Variants in CNTNAP2 observed in about 807,000 individuals in gnomAD.
The protein encoded by CNTNAP2 is contactin associated protein 2, also known as contactin-associated protein-like 2.
Under a neutral mutation model 155.2 loss-of-function variants are expected in CNTNAP2, and 98 were observed. The ratio of observed to expected loss-of-function variants is 0.63; its 90% CI spans 0.54 to 0.75. CNTNAP2 has a LOEUF of 0.75. CNTNAP2 is among the 30% of genes least tolerant of loss of function. The pLI, the probability that CNTNAP2 is intolerant of heterozygous loss-of-function variation, is 0.00. For missense variants in CNTNAP2, 1,727 were observed against 1,688.1 expected (o/e 1.02, Z -0.40); for synonymous variants, 651 against 631.2 (o/e 1.03, Z -0.47).
At chr7:147,085,546 T>G (rs986227420) in intron 4 of CNTNAP2, 15 of 152,200 alleles carry the variant, frequency 9.9e-5, no homozygotes, top group African/African-American at 3.4e-4. Flanking sequence ...GTGGAAAAAT[T>G]GTCTCCCAAA....
intron 1 of CNTNAP2, among the ~76,000 whole-genome samples, chr7:146,387,469 T>C (rs1795477440): frequency 6.6e-6 from 1 of 152,188 alleles, no homozygotes; most frequent in Non-Finnish European, 1.5e-5. Context: ...TCCGGATGGG[T>C]AGACCTTGGA....
At chr7:147,999,860 G>A (rs1801867649) in intron 15 of CNTNAP2, among the ~76,000 whole-genome samples, 1 of 152,192 alleles carries the variant, frequency 6.6e-6, no homozygotes, top group South Asian at 2.1e-4. Flanking sequence ...GAGCCTGGGA[G>A]AGAGGCACGG....
At chr7:146,177,328 G>A (rs1798483666) in intron 1 of CNTNAP2, among the ~76,000 whole-genome samples, 1 of 151,976 alleles carries the variant, frequency 6.6e-6, no homozygotes, top group Non-Finnish European at 1.5e-5. Flanking sequence ...AAAATTTCAG[G>A]CATCAACAAA....
chr7:147,171,546 C>A (rs1177234650), intron 8 of CNTNAP2, among the ~76,000 whole-genome samples: 1 of 152,180 alleles, frequency 6.6e-6, no homozygotes, highest in Non-Finnish European at 1.5e-5. Context: ...CCAAATGGTA[C>A]AGAGGTCAGT....
At chr7:146,914,226 T>G (rs1248496298) in intron 3 of CNTNAP2, among the ~76,000 whole-genome samples, 1 of 152,108 alleles carries the variant, frequency 6.6e-6, no homozygotes, top group African/African-American at 2.4e-5. Flanking sequence ...GCTGGTTCCA[T>G]TTTTAATTGT....
At position 148,415,871 on chromosome 7, in the gene CNTNAP2, A is replaced by C. The variant is rs570832663; in HGVS notation, c.*255A>C. The C allele has an allele frequency of 9.5e-5, 55 of 576,278 alleles. 1 individual carries two copies. The South Asian group carries it at 1.2e-3, about 13-fold the overall frequency. 35.7% of individuals were successfully genotyped at this position (576,278 alleles called of 1,614,324 possible). ...ATACAAAAAATGCTTTTAGAGTTTA[A>C]GCAATGGTTGAAATTTGTAGGTACT... is the stretch of plus-strand genomic sequence containing the variant. On this transcript the variant is annotated 3_prime_UTR_variant, in exon 24 of 24. Transcript: ENST00000361727.
intron 1 of CNTNAP2, among the ~76,000 whole-genome samples, chr7:146,677,146 A>T (rs946865479): frequency 2.0e-5 from 3 of 152,134 alleles, no homozygotes; most frequent in Admixed American, 6.5e-5. Context: ...CAGTCTGAAA[A>T]GGTGAAGTGA....
chr7:148,235,257 C>A (rs916739086), intron 20 of CNTNAP2, among the ~76,000 whole-genome samples: 4 of 152,110 alleles, frequency 2.6e-5, no homozygotes, highest in African/African-American at 7.2e-5. Context: ...TGAACTAGGT[C>A]CTGTATATAA....
intron 5 of CNTNAP2, among the ~76,000 whole-genome samples, chr7:147,119,692 G>A (rs1801062539): frequency 6.6e-6 from 1 of 151,884 alleles, no homozygotes; most frequent in South Asian, 2.1e-4. Context: ...AGGTATGGGG[G>A]CATTAGCATA....
At chr7:148,374,296 C>T (rs1204413687) in intron 21 of CNTNAP2, among the ~76,000 whole-genome samples, 3 of 152,078 alleles carry the variant, frequency 2.0e-5, no homozygotes, top group African/African-American at 4.8e-5. Context: ...AAGTGAACTA[C>T]TTTCTGTTTT....
chr7:146,281,382 G>A (rs577248401), intron 1 of CNTNAP2, among the ~76,000 whole-genome samples: 1 of 152,064 alleles, frequency 6.6e-6, no homozygotes, highest in Non-Finnish European at 1.5e-5. Context: ...GTACTTTCCT[G>A]GCATTTCTGA....
At chr7:146,658,216 A>T (rs545103514) in intron 1 of CNTNAP2, among the ~76,000 whole-genome samples, 1 of 152,138 alleles carries the variant, frequency 6.6e-6, no homozygotes, top group Non-Finnish European at 1.5e-5. Context: ...CATTCTTGCA[A>T]TATCTTGAAT....
chr7:146,303,187 G>T (rs1356540991), intron 1 of CNTNAP2, among the ~76,000 whole-genome samples: 2 of 151,482 alleles, frequency 1.3e-5, no homozygotes, highest in African/African-American at 4.9e-5. Flanking sequence ...AAAGTGATGG[G>T]GAAACAAGAG....
intron 15 of CNTNAP2, among the ~76,000 whole-genome samples, chr7:148,020,588 A>G (rs890858090): frequency 2.0e-5 from 3 of 152,158 alleles, no homozygotes; most frequent in African/African-American, 7.2e-5. Context: ...TTTTTTTAAC[A>G]TTGGGAGGAC....
chr7:146,477,806 A>G lies in CNTNAP2; in HGVS notation c.98-296465A>G, dbSNP rs565753493. On this transcript the variant is annotated intron_variant, in intron 1 of 23. Coordinates refer to ENST00000361727, the MANE Select transcript of CNTNAP2 (RefSeq NM_014141.6). ...GTGGCGTTATGTTTAAAAGGAAGAC[A>G]ATAATACCTAAATTAGATGGTCAGT... 2.0e-5 allele frequency among the ~76,000 whole-genome samples: 3 copies of G among 152,298 alleles called. No individual in the cohort carries two copies. The South Asian group carries it at 6.2e-4, about 32-fold the overall frequency.
intron 1 of CNTNAP2, among the ~76,000 whole-genome samples, chr7:146,405,646 G>C (rs545961769): frequency 5.8e-4 from 89 of 152,248 alleles, no homozygotes; most frequent in African/African-American, 2.1e-3. Flanking sequence ...AATTAAACTG[G>C]CTAGTGAATT....
At position 147,041,126 on chromosome 7, in the gene CNTNAP2, G is replaced by C. The variant is rs560914848; in HGVS notation, c.403-2781G>C. 1.4e-4 allele frequency among the ~76,000 whole-genome samples: 21 copies of C among 152,078 alleles called. No homozygotes were observed. In the East Asian group the frequency reaches 3.7e-3, roughly 27 times the overall value. On this transcript the variant is annotated intron_variant, in intron 3 of 23. Coordinates refer to ENST00000361727, the MANE Select transcript of CNTNAP2 (RefSeq NM_014141.6). ...TTTTATTGTTATTTCTTAACAACAA[G>C]AACAACAACAACAATACATGCTATA... is the stretch of plus-strand genomic sequence containing the variant.
chr7:147,420,476 A>G lies in CNTNAP2; in HGVS notation c.1670+24696A>G, dbSNP rs1021366301. On this transcript the variant is annotated intron_variant, in intron 10 of 23. Transcript: ENST00000361727. ...CAACATTGCTCCCCAAGTATTTCCA[A>G]ATAATTAATGTATTCATTGAATGAT... is the stretch of plus-strand genomic sequence containing the variant. Among the ~76,000 whole-genome samples the G allele has an allele frequency of 2.6e-5, 4 of 152,166 alleles. No individual in the cohort carries two copies. The South Asian group carries it at 8.3e-4, about 32-fold the overall frequency.
intron 1 of CNTNAP2, among the ~76,000 whole-genome samples, chr7:146,155,326 T>A (rs968595051): frequency 1.3e-5 from 2 of 152,198 alleles, no homozygotes; most frequent in African/African-American, 4.8e-5. Context: ...CAAAGGACTG[T>A]GCAGATGTTT....
Sources: gnomAD v4.1 joint callset for allele counts (sites outside exome capture counted in the v4.1 genomes callset) on GRCh38, gnomAD v4.1.1 for gene constraint, MANE v1.5 for transcripts, NCBI Gene and HGNC (gene_info 2026-07-23, HGNC 2026-07-21) for gene names.